CLPTM1L: variants seen among roughly 807,000 people sequenced by gnomAD.
CLPTM1L encodes CLPTM1 like, also known as lipid scramblase CLPTM1L.
A neutral mutation model predicts 70.9 loss-of-function variants in CLPTM1L; 38 were observed. That is an observed-to-expected ratio of 0.54 (90% CI 0.41 to 0.70). The LOEUF (loss-of-function observed/expected upper bound fraction) is 0.70. Among genes scored for constraint, CLPTM1L ranks in the 30% least tolerant of loss-of-function variants. The pLI, the probability that CLPTM1L is intolerant of heterozygous loss-of-function variation, is 0.00. For missense variants in CLPTM1L, 652 were observed against 705.9 expected (o/e 0.92, Z 0.87); for synonymous variants, 339 against 299.9 (o/e 1.13, Z -1.35).
chr5:1,319,305 C>T (rs778091809), intron 16 of CLPTM1L, among the ~76,000 whole-genome samples: 12 of 134,780 alleles, frequency 8.9e-5, no homozygotes, highest in Non-Finnish European at 1.5e-4. Context: ...TAGCCCTTCC[C>T]GCTGACACAA....
chr5:1,326,657 GCTC>G (rs1274373436), intron 9 of CLPTM1L, among the ~76,000 whole-genome samples: 5 of 151,568 alleles, frequency 3.3e-5, no homozygotes, highest in African/African-American at 4.8e-5. Flanking sequence ...ATTTCATCCA[GCTC>G]CTCCTCTACG....
chr5:1,331,193 C>T (rs1753065616), intron 8 of CLPTM1L: 1 of 154,938 alleles, frequency 6.5e-6, no homozygotes, highest in Non-Finnish European at 1.4e-5. Flanking sequence ...CACTTGGGCC[C>T]CTTAAACCAC....
At chr5:1,331,912 A>C (rs758632322) in intron 7 of CLPTM1L, 29 bp from the exon 8 acceptor site, 1 of 1,572,998 alleles carries the variant, frequency 6.4e-7, no homozygotes, top group South Asian at 1.1e-5. Context: ...ACAGCAACTC[A>C]CATCTCCTGC....
Position 1,341,751 on chromosome 5 carries a change from G to C in CLPTM1L, c.373C>G (p.His125Asp), listed in dbSNP as rs752379032. ...TAGGTGGTCAGAGGACTGACCAGGT[G>C]CACCTGCTTCCCGTCGTGCCACGGC... Reference protein sequence around the residue: ...VLPWHDGKQVHLVSPLTTYMV... With the variant: ...VLPWHDGKQVDLVSPLTTYMV... Residue 125 changes from histidine (H) to aspartate (D), a missense_variant, in exon 3 of 17, where the codon CAC (histidine) becomes GAC (aspartate). By Grantham distance (81) the His-to-Asp change is moderately conservative. Transcript: ENST00000320895. 1 of 1,614,084 alleles carries C rather than the reference G, an allele frequency of 6.2e-7. No homozygotes were observed. Among genetic ancestry groups the C allele is most frequent in the Admixed American group, 1.7e-5 (1 of 60,026 alleles).
chr5:1,324,638 T>A, intron 11 of CLPTM1L, 125 bp downstream of exon 11: 1 of 952,542 alleles, frequency 1.0e-6, no homozygotes, highest in South Asian at 1.4e-5. Flanking sequence ...TTGGGATCCC[T>A]GCTCAAGGCG....
intron 9 of CLPTM1L, among the ~76,000 whole-genome samples, chr5:1,328,878 A>G (rs866987547): frequency 2.0e-3 from 294 of 147,688 alleles, no homozygotes; most frequent in African/African-American, 6.7e-3. Flanking sequence ...TCCTCTACAG[A>G]CACATTCCAT....
intron 9 of CLPTM1L, among the ~76,000 whole-genome samples, chr5:1,326,955 TCTA>T (rs1752624017): frequency 6.7e-6 from 1 of 150,026 alleles, no homozygotes; most frequent in Non-Finnish European, 1.5e-5. Context: ...CAGCTCCTCC[TCTA>T]CGGACACATT....
intron 4 of CLPTM1L, chr5:1,338,430 T>A (rs1430019562): frequency 3.7e-6 from 1 of 268,492 alleles, no homozygotes; most frequent in Non-Finnish European, 7.1e-6. Flanking sequence ...CCCCAACACA[T>A]GGGAGAGACG....
At chr5:1,333,696 GCAAGA>G (rs1561244553) in intron 7 of CLPTM1L, among the ~76,000 whole-genome samples, 32 of 59,650 alleles carry the variant, frequency 5.4e-4, no homozygotes, top group African/African-American at 8.0e-4. Flanking sequence ...TAGACACACC[GCAAGA>G]GGATAAGGGG....
At chr5:1,332,882 C>T (rs187044856) in intron 7 of CLPTM1L, among the ~76,000 whole-genome samples, 136 of 152,350 alleles carry the variant, frequency 8.9e-4, no homozygotes, top group Admixed American at 1.6e-3. Context: ...GGTCTTTGAA[C>T]ACACCCCCTG....
intron 3 of CLPTM1L, 53 bp downstream of exon 3, chr5:1,341,618 C>T (rs1166496145): frequency 2.0e-6 from 3 of 1,480,470 alleles, no homozygotes. Context: ...AAAGACATGT[C>T]CGTTCTGACG....
chr5:1,337,700 C>G (rs1753664455), intron 5 of CLPTM1L, among the ~76,000 whole-genome samples: 1 of 152,254 alleles, frequency 6.6e-6, no homozygotes, highest in Admixed American at 6.5e-5. Context: ...GACCCCGCAG[C>G]CAGCCAACGG....
chr5:1,322,569 A>T (rs1333781609), intron 13 of CLPTM1L, among the ~76,000 whole-genome samples: 1 of 152,254 alleles, frequency 6.6e-6, no homozygotes, highest in Non-Finnish European at 1.5e-5. Context: ...TCAGCGATGG[A>T]CACATATACC....
At chr5:1,332,793 G>A (rs547348491) in intron 7 of CLPTM1L, among the ~76,000 whole-genome samples, 2 of 152,302 alleles carry the variant, frequency 1.3e-5, no homozygotes, top group South Asian at 2.1e-4. Flanking sequence ...CTTATAAATT[G>A]AACTTTATCA....
intron 11 of CLPTM1L, 85 bp from the exon 12 acceptor site, chr5:1,323,954 G>A: frequency 9.3e-7 from 1 of 1,080,496 alleles, no homozygotes; most frequent in South Asian, 1.3e-5. Context: ...CCCCGACAGG[G>A]ACAGACAGAA....
intron 6 of CLPTM1L, 87 bp from the exon 7 acceptor site, chr5:1,334,470 T>C (rs1244111403): frequency 6.1e-6 from 6 of 979,280 alleles, no homozygotes; most frequent in African/African-American, 4.9e-5. Context: ...TATAAAAATT[T>C]AGGCCGGGCG....
chr5:1,340,877 TC>T (rs917765154), intron 3 of CLPTM1L, among the ~76,000 whole-genome samples: 59 of 152,316 alleles, frequency 3.9e-4, no homozygotes, highest in African/African-American at 1.1e-3. Flanking sequence ...ACGATTCTCC[TC>T]CCTCAGCCTC....
chr5:1,335,286 C>T, intron 5 of CLPTM1L, 112 bp from the exon 6 acceptor site: 1 of 832,460 alleles, frequency 1.2e-6, no homozygotes, highest in South Asian at 1.5e-5. Flanking sequence ...GGCCCCAGGT[C>T]AGCCATGACT....
rs369488069 is a variant in CLPTM1L, at chr5:1,323,772, T to A, written c.1280+15A>T. 1 of 1,602,752 alleles carries A rather than the reference T, an allele frequency of 6.2e-7. No homozygotes were observed. Among genetic ancestry groups the A allele is most frequent in the Admixed American group, 1.7e-5 (1 of 59,992 alleles). The stretch of plus-strand genomic sequence containing the variant: ...GGGGAAAGACGCAGCAGGGGAAGCG[T>A]GTGCGGCCTCCTACCTCTTATATTT... On this transcript the variant is annotated intron_variant, in intron 12 of 16. Transcript: ENST00000320895.
Sources: allele counts gnomAD v4.1 joint callset (sites outside exome capture counted in the v4.1 genomes callset), GRCh38; gene constraint gnomAD v4.1.1; transcripts MANE v1.5; gene names NCBI Gene and HGNC (gene_info 2026-07-23, HGNC 2026-07-21).